The following PALM2AKAP2 variants were observed in gnomAD, a reference collection of about 807,000 sequenced individuals.
The protein encoded by PALM2AKAP2 is PALM2-AKAP2 fusion protein.
PALM2AKAP2 carries 37 observed loss-of-function variants against 71.5 expected under a neutral mutation model. That is an observed-to-expected ratio of 0.52 (90% CI 0.40 to 0.68). PALM2AKAP2 has a LOEUF of 0.68. Ranked by LOEUF, PALM2AKAP2 falls within the 30% of genes least tolerant of loss-of-function variation. The pLI, the probability that PALM2AKAP2 is intolerant of heterozygous loss-of-function variation, is 0.00. For synonymous variants in PALM2AKAP2, 468 were observed against 478.8 expected (o/e 0.98, Z 0.29); for missense variants, 1,224 against 1,191.8 (o/e 1.03, Z -0.40).
chr9:109,930,373 A>C (rs1284384983), intron 5 of PALM2AKAP2, among the ~76,000 whole-genome samples: 1 of 152,036 alleles, frequency 6.6e-6, no homozygotes, highest in Non-Finnish European at 1.5e-5. Flanking sequence ...CTACAGGTGC[A>C]TGCCACCATG....
At chr9:109,655,546 A>G (rs925205386) in intron 1 of PALM2AKAP2, among the ~76,000 whole-genome samples, 5 of 152,034 alleles carry the variant, frequency 3.3e-5, no homozygotes, top group African/African-American at 1.2e-4. Flanking sequence ...CATTTCCAGA[A>G]CTTTTTCATC....
intron 1 of PALM2AKAP2, among the ~76,000 whole-genome samples, chr9:109,676,857 A>G (rs1366755487): frequency 6.6e-6 from 1 of 152,214 alleles, no homozygotes; most frequent in Non-Finnish European, 1.5e-5. Flanking sequence ...AGTTGTGTGT[A>G]TGCATTAAGC....
chr9:109,751,344 G>A (rs1247281933), intron 1 of PALM2AKAP2, among the ~76,000 whole-genome samples: 1 of 152,142 alleles, frequency 6.6e-6, no homozygotes, highest in Admixed American at 6.6e-5. Context: ...TCCACAGACA[G>A]CCCCCGTTTC....
chr9:109,766,678 A>G (rs1169371326), intron 1 of PALM2AKAP2, among the ~76,000 whole-genome samples: 1 of 152,228 alleles, frequency 6.6e-6, no homozygotes, highest in Admixed American at 6.5e-5. Flanking sequence ...AAAGACTCTG[A>G]TGTAGTAAAT....
intron 6 of PALM2AKAP2, among the ~76,000 whole-genome samples, chr9:109,972,394 G>A (rs1832084752): frequency 6.6e-6 from 1 of 152,358 alleles, no homozygotes; most frequent in African/African-American, 2.4e-5. Context: ...CTGAAGGACT[G>A]TGCCAGCTTA....
intron 1 of PALM2AKAP2, among the ~76,000 whole-genome samples, chr9:110,121,138 T>C (rs188271070): frequency 6.6e-6 from 1 of 152,264 alleles, no homozygotes; most frequent in Non-Finnish European, 1.5e-5. Flanking sequence ...TTTCTCATCA[T>C]TTTCCCCTTA....
intron 3 of PALM2AKAP2, among the ~76,000 whole-genome samples, chr9:109,881,807 C>T (rs771037023): frequency 1.3e-5 from 2 of 151,694 alleles, no homozygotes; most frequent in Non-Finnish European, 2.9e-5. Flanking sequence ...CCCTCCAACC[C>T]ATCCCACCAA....
intron 1 of PALM2AKAP2, among the ~76,000 whole-genome samples, chr9:109,834,799 G>C (rs1261843911): frequency 1.3e-5 from 2 of 152,238 alleles, no homozygotes; most frequent in South Asian, 2.1e-4. Flanking sequence ...AGCAAACATG[G>C]TCTTAGAGCC....
intron 1 of PALM2AKAP2, among the ~76,000 whole-genome samples, chr9:109,677,278 T>A (rs1411014258): frequency 6.6e-6 from 1 of 152,142 alleles, no homozygotes; most frequent in Admixed American, 6.5e-5. Context: ...GGACCCAACT[T>A]AGAGATTTTT....
rs943729289 is a variant in PALM2AKAP2, at chr9:109,826,247, G to A, written c.46-41244G>A. On this transcript the variant is annotated intron_variant, in intron 1 of 9. Coordinates refer to the PALM2AKAP2 transcript ENST00000302798. The stretch of plus-strand genomic sequence containing the variant: ...GGGGTAGGGGGGAGGGATAGCATTA[G>A]GAGATATACCTAATGTAAATGATGA... Among the ~76,000 whole-genome samples the A allele has an allele frequency of 7.9e-4, 120 of 152,230 alleles. 1 individual carries two copies. The highest frequency in any genetic ancestry group is 3.4e-3 in the Middle Eastern group (1 of 294).
chr9:109,834,611 G>C (rs1352022470), intron 1 of PALM2AKAP2, among the ~76,000 whole-genome samples: 1 of 152,092 alleles, frequency 6.6e-6, no homozygotes, highest in African/African-American at 2.4e-5. Flanking sequence ...CGGGGGTTGA[G>C]ATGAATTTGT....
intron 1 of PALM2AKAP2, among the ~76,000 whole-genome samples, chr9:109,733,502 A>C (rs535519576): frequency 1.3e-5 from 2 of 152,300 alleles, no homozygotes; most frequent in Admixed American, 1.3e-4. Flanking sequence ...GGTGTGGTAC[A>C]AAGCAGAGAC....
At chr9:109,990,067 C>CGT (rs561384901) in intron 6 of PALM2AKAP2, among the ~76,000 whole-genome samples, 18 of 134,110 alleles carry the variant, frequency 1.3e-4, no homozygotes, top group Non-Finnish European at 2.7e-4. Context: ...TTCTTTCTTT[C>CGT]TTTTTTTTTT....
chr9:109,740,047 T>G (rs900916491), intron 1 of PALM2AKAP2, among the ~76,000 whole-genome samples: 2 of 152,238 alleles, frequency 1.3e-5, no homozygotes, highest in African/African-American at 4.8e-5. Context: ...TTTTAAAATG[T>G]AAGTGTTTTG....
chr9:110,005,624 G>A (rs1227816774), intron 6 of PALM2AKAP2, among the ~76,000 whole-genome samples: 1 of 152,248 alleles, frequency 6.6e-6, no homozygotes, highest in Non-Finnish European at 1.5e-5. Context: ...GCCCCCAGAG[G>A]TGGAGTTTAC....
intron 1 of PALM2AKAP2, among the ~76,000 whole-genome samples, chr9:109,842,284 G>C (rs1828717151): frequency 6.6e-6 from 1 of 152,130 alleles, no homozygotes; most frequent in South Asian, 2.1e-4. Flanking sequence ...AAGAAATTAG[G>C]CTTTACAAAT....
At chr9:109,956,641 GT>G (rs372350808) in intron 6 of PALM2AKAP2, among the ~76,000 whole-genome samples, 1,821 of 152,222 alleles carry the variant, frequency 0.012, 37 homozygotes, top group African/African-American at 0.042. Flanking sequence ...CCTTAACTCA[GT>G]TTTTCCTCAA....
chr9:109,719,169 CTGTT>C (rs141067899), intron 1 of PALM2AKAP2, among the ~76,000 whole-genome samples: 65 of 152,284 alleles, frequency 4.3e-4, no homozygotes, highest in African/African-American at 1.2e-3. Flanking sequence ...CAATAAAACT[CTGTT>C]AGTTAGCATG....
chr9:109,794,407 T>TG (rs934882019), intron 1 of PALM2AKAP2, among the ~76,000 whole-genome samples: 1 of 151,044 alleles, frequency 6.6e-6, no homozygotes, highest in African/African-American at 2.4e-5. Flanking sequence ...CAGGTGTATT[T>TG]TTTTTTTTTT....
Sources: allele counts gnomAD v4.1 joint callset (sites outside exome capture counted in the v4.1 genomes callset), GRCh38; gene constraint gnomAD v4.1.1; transcripts MANE v1.5; gene names NCBI Gene and HGNC (gene_info 2026-07-23, HGNC 2026-07-21).